The following WDR93 variants were observed in gnomAD, a reference collection of about 807,000 sequenced individuals.
WDR93 encodes WD repeat-containing protein 93.
A neutral mutation model predicts 82.9 loss-of-function variants in WDR93; 73 were observed. The observed-to-expected ratio is 0.88, with a 90% confidence interval of 0.73 to 1.07. WDR93 has a LOEUF of 1.07. WDR93 is among the 50% of genes least tolerant of loss of function. The pLI is 0.00. For synonymous variants in WDR93, 283 were observed against 300.1 expected (o/e 0.94, Z 0.59); for missense variants, 738 against 826.0 (o/e 0.89, Z 1.31).
At chr15:89,723,315 G>A (rs1966602535) in intron 8 of WDR93, among the ~76,000 whole-genome samples, 1 of 151,900 alleles carries the variant, frequency 6.6e-6, no homozygotes, top group African/African-American at 2.4e-5. Context: ...GGTGGCTTAA[G>A]CCTATAACCC....
At position 89,702,922 on chromosome 15, in the gene WDR93, AAAT is replaced by A. The variant is rs376951477; in HGVS notation, c.304-23_304-21del. ...AATATTTGAAGACAGTGACAACTGA[AAAT>A]AATATTTTTTCTTTGTTTTCCCAGC... On this transcript the variant is annotated intron_variant, in intron 2 of 16. Coordinates refer to ENST00000268130, the MANE Select transcript of WDR93 (RefSeq NM_020212.2). The A allele has an allele frequency of 9.3e-6, 15 of 1,609,198 alleles. No individual in the cohort carries two copies. The East Asian group carries it at 1.3e-4, about 14-fold the overall frequency.
intron 1 of WDR93, among the ~76,000 whole-genome samples, chr15:89,697,268 T>G (rs570442309): frequency 6.6e-6 from 1 of 152,208 alleles, no homozygotes; most frequent in Non-Finnish European, 1.5e-5. Flanking sequence ...ACTATTTTTT[T>G]TATTTTAGCC....
At position 89,703,091 on chromosome 15, in the gene WDR93, T is replaced by C; in HGVS notation, c.445T>C (p.Trp149Arg). The change falls in exon 3 of 17, where the codon TGG (tryptophan) becomes CGG (arginine). Residue 149 changes from tryptophan to arginine, a missense_variant. Physicochemically the swap from Trp to Arg is moderately radical, Grantham distance 101. Transcript: ENST00000268130. Reference protein sequence around the residue: ...EKLKVDVTSIWATDLGNEILI... With the variant: ...EKLKVDVTSIRATDLGNEILI... Reference sequence around the variant, plus strand: ...GCTTAAGGTTGATGTCACTTCCATCTGGGCCACAGATTTAGGGAATGAAAT... The same window carrying C: ...GCTTAAGGTTGATGTCACTTCCATCCGGGCCACAGATTTAGGGAATGAAAT... 6.2e-7 allele frequency: 1 copy of C among 1,614,188 alleles called. No homozygotes were observed. The highest frequency in any genetic ancestry group is 8.5e-7 in the Non-Finnish European group (1 of 1,180,014).
At position 89,729,712 on chromosome 15, in the gene WDR93, A is replaced by T. The variant is rs1320376440; in HGVS notation, c.1153A>T (p.Thr385Ser). The change falls in exon 11 of 17, where the codon ACC becomes TCC. Residue 385 changes from threonine (T) to serine (S), a missense_variant. By Grantham distance (58) the Thr-to-Ser change is moderately conservative. Coordinates refer to ENST00000268130, the MANE Select transcript of WDR93 (RefSeq NM_020212.2). The part of the protein sequence containing the change: ...GMACVLGIHW[T>S]RSHNFFLYSL... The stretch of plus-strand genomic sequence containing the variant: ...GGCCTGTGTCCTTGGTATACACTGG[A>T]CCAGAAGTCACAATTTCTTCCTGTA... 1 of 1,611,698 alleles carries T rather than the reference A, an allele frequency of 6.2e-7. No homozygotes were observed. The highest frequency in any genetic ancestry group is 8.5e-7 in the Non-Finnish European group (1 of 1,179,196).
intron 4 of WDR93, 24 bp downstream of exon 4, chr15:89,705,642 T>A: frequency 7.0e-7 from 1 of 1,423,072 alleles, no homozygotes; most frequent in Non-Finnish European, 9.9e-7. Flanking sequence ...CTTTCACCAT[T>A]AGCTGGGCCA....
chr15:89,733,818 G>C (rs1418015100), intron 13 of WDR93, among the ~76,000 whole-genome samples: 2 of 152,112 alleles, frequency 1.3e-5, no homozygotes, highest in Admixed American at 6.5e-5. Flanking sequence ...ACATTATCCA[G>C]TTTCAGGTAT....
chr15:89,714,074 A>G (rs1966130143), intron 5 of WDR93, among the ~76,000 whole-genome samples: 1 of 152,178 alleles, frequency 6.6e-6, no homozygotes, highest in Non-Finnish European at 1.5e-5. Context: ...CAGCCAACCC[A>G]TGGGTTGTTA....
At chr15:89,721,645 G>A (rs1966532149) in intron 7 of WDR93, among the ~76,000 whole-genome samples, 1 of 152,114 alleles carries the variant, frequency 6.6e-6, no homozygotes. Flanking sequence ...ATGGGCTCTC[G>A]CTATGTTGCC....
chr15:89,717,041 C>CTTT (rs1966287613), intron 7 of WDR93, 92 bp downstream of exon 7: 13 of 336,380 alleles, frequency 3.9e-5, no homozygotes, highest in African/African-American at 2.1e-4. Context: ...TTTTCTTTTT[C>CTTT]TTTCTTTTTT....
chr15:89,740,066 T>C (rs1967533405), intron 16 of WDR93, among the ~76,000 whole-genome samples: 1 of 152,212 alleles, frequency 6.6e-6, no homozygotes, highest in African/African-American at 2.4e-5. Flanking sequence ...CAGGCTGTGT[T>C]CTGACCATTT....
intron 3 of WDR93, chr15:89,704,801 G>A (rs926465222): frequency 6.6e-6 from 1 of 152,280 alleles, no homozygotes; most frequent in Non-Finnish European, 1.5e-5. Flanking sequence ...TTTCAAGTCT[G>A]TGTAACCCTG....
At chr15:89,721,212 A>T (rs1966510428) in intron 7 of WDR93, 1 of 152,158 alleles carries the variant, frequency 6.6e-6, no homozygotes, top group South Asian at 2.1e-4. Context: ...CATTATATTT[A>T]ATATAACGAG....
chr15:89,707,826 C>G (rs1965789716), intron 4 of WDR93, among the ~76,000 whole-genome samples: 1 of 152,122 alleles, frequency 6.6e-6, no homozygotes, highest in Non-Finnish European at 1.5e-5. Context: ...TATGCCCATA[C>G]CAAGGCTTGT....
At chr15:89,713,279 C>A (rs1337566870) in intron 5 of WDR93, among the ~76,000 whole-genome samples, 3 of 152,094 alleles carry the variant, frequency 2.0e-5, no homozygotes, top group Non-Finnish European at 4.4e-5. Flanking sequence ...TAATGTTTTA[C>A]CCACCAATCT....
intron 14 of WDR93, among the ~76,000 whole-genome samples, chr15:89,736,538 T>C (rs1967188355): frequency 6.6e-6 from 1 of 151,588 alleles, no homozygotes; most frequent in Non-Finnish European, 1.5e-5. Flanking sequence ...ACCTGGAAAA[T>C]CAGTTCACAA....
intron 8 of WDR93, among the ~76,000 whole-genome samples, chr15:89,722,758 G>A (rs1378594930): frequency 1.3e-5 from 2 of 152,058 alleles, no homozygotes; most frequent in Non-Finnish European, 2.9e-5. Context: ...ATTGTAGGCG[G>A]CAAATACAGA....
chr15:89,731,862 T>C (rs1238336960), intron 12 of WDR93, among the ~76,000 whole-genome samples: 2 of 152,208 alleles, frequency 1.3e-5, no homozygotes, highest in East Asian at 1.9e-4. Context: ...TGAAGAAGTA[T>C]GTCTGGCACA....
intron 1 of WDR93, among the ~76,000 whole-genome samples, chr15:89,698,374 A>G (rs1306898900): frequency 2.0e-5 from 3 of 152,158 alleles, no homozygotes; most frequent in African/African-American, 7.2e-5. Context: ...TGTGCACAGC[A>G]TATATTGAGT....
intron 4 of WDR93, among the ~76,000 whole-genome samples, chr15:89,708,991 T>C (rs377524468): frequency 5.9e-5 from 9 of 152,236 alleles, no homozygotes; most frequent in African/African-American, 1.7e-4. Context: ...TGCACCACTA[T>C]TGTGGCTGTG....
Sources: gnomAD v4.1 joint callset for allele counts (sites outside exome capture counted in the v4.1 genomes callset) on GRCh38, gnomAD v4.1.1 for gene constraint, MANE v1.5 for transcripts, NCBI Gene and HGNC (gene_info 2026-07-23, HGNC 2026-07-21) for gene names.